NAV1: variants seen among roughly 807,000 people sequenced by gnomAD.
The protein encoded by NAV1 is neuron navigator 1.
NAV1 carries 18 observed loss-of-function variants against 175.2 expected under a neutral mutation model. That is an observed-to-expected ratio of 0.10 (90% confidence interval 0.07 to 0.15). The LOEUF is 0.15. Among genes scored for constraint, NAV1 ranks in the 10% least tolerant of loss-of-function variants. NAV1 has a pLI of 1.00. For synonymous variants in NAV1, 897 were observed against 978.7 expected (o/e 0.92, Z 1.56); for missense variants, 1,731 against 2,436.6 (o/e 0.71, Z 6.10).
At chr1:201,599,132 G>A (rs1667447357) in intron 2 of NAV1, among the ~76,000 whole-genome samples, 1 of 152,182 alleles carries the variant, frequency 6.6e-6, no homozygotes, top group South Asian at 2.1e-4. Context: ...AGCTGGCCAG[G>A]TTGGGCCCCC....
chr1:201,645,690 T>TCACAGTGAAAATAGA (rs11269129), upstream of NAV1, among the ~76,000 whole-genome samples: 2 of 151,548 alleles, frequency 1.3e-5, no homozygotes, highest in African/African-American at 4.9e-5. Flanking sequence ...GTGGAATGTG[T>TCACAGTGAAAATAGA]CACAGTGAAA....
intron 2 of NAV1, among the ~76,000 whole-genome samples, chr1:201,604,587 T>C (rs1421163439): frequency 6.8e-6 from 1 of 147,360 alleles, no homozygotes; most frequent in Non-Finnish European, 1.5e-5. Context: ...GAGGCTGAGG[T>C]GGTAGAATCG....
intron 2 of NAV1, among the ~76,000 whole-genome samples, chr1:201,637,987 C>T (rs1668655289): frequency 6.6e-6 from 1 of 152,192 alleles, no homozygotes; most frequent in Non-Finnish European, 1.5e-5. Flanking sequence ...CTTTATTAGC[C>T]TGAGGAGCAC....
At chr1:201,786,056 G>C (rs947295678) in intron 8 of NAV1, among the ~76,000 whole-genome samples, 2 of 152,076 alleles carry the variant, frequency 1.3e-5, no homozygotes, top group Admixed American at 1.3e-4. Flanking sequence ...GCCTCCCAAA[G>C]TGCTGGGATT....
chr1:201,627,156 A>C (rs1363068101), intron 1 of NAV1, among the ~76,000 whole-genome samples: 60 of 152,222 alleles, frequency 3.9e-4, no homozygotes. Context: ...GTGCAGTGGC[A>C]CAGTCATAGC....
At chr1:201,705,449 G>A (rs1364217404) in intron 1 of NAV1, among the ~76,000 whole-genome samples, 1 of 152,148 alleles carries the variant, frequency 6.6e-6, no homozygotes, top group Non-Finnish European at 1.5e-5. Context: ...GAGTGCCATT[G>A]AGCGCTGGGC....
chr1:201,764,490 A>C (rs949818971), intron 3 of NAV1, among the ~76,000 whole-genome samples: 2 of 152,230 alleles, frequency 1.3e-5, no homozygotes, highest in Non-Finnish European at 2.9e-5. Context: ...CACGAGTCCT[A>C]TCAGATGAGA....
At position 201,656,830 on chromosome 1, in the gene NAV1, C is replaced by G. The variant is rs572496217; in HGVS notation, c.757+7405C>G. On this transcript the variant is annotated intron_variant, in intron 1 of 29. Coordinates refer to ENST00000367296, the Ensembl canonical transcript of NAV1. ...TGGAACAGCTTCCCCCAAACAGACC[C>G]CTAGGCAGAGCCCGCTGGGGTTTGG... Among the ~76,000 whole-genome samples, 105 of 152,320 alleles carry G rather than the reference C, an allele frequency of 6.9e-4. 1 individual carries two copies. The highest frequency in any genetic ancestry group is 4.8e-3 in the South Asian group (23 of 4,824).
chr1:201,738,693 G>A (rs1414539735), intron 3 of NAV1, among the ~76,000 whole-genome samples: 1 of 152,120 alleles, frequency 6.6e-6, no homozygotes, highest in Admixed American at 6.5e-5. Context: ...GGAAAGATAG[G>A]CTTAAGAGAA....
At chr1:201,723,987 T>C (rs987831240) in intron 3 of NAV1, 1 of 152,202 alleles carries the variant, frequency 6.6e-6, no homozygotes, top group African/African-American at 2.4e-5. Context: ...ATTTCAGTAC[T>C]TTTTTCAATG....
intron 1 of NAV1, among the ~76,000 whole-genome samples, chr1:201,586,847 A>T (rs560994512): frequency 6.6e-6 from 1 of 152,154 alleles, no homozygotes; most frequent in African/African-American, 2.4e-5. Context: ...TCAAAACACA[A>T]ATTTGGAGGG....
chr1:201,572,881 ATTACT>A (rs1378784624), intron 1 of NAV1, among the ~76,000 whole-genome samples: 2 of 151,996 alleles, frequency 1.3e-5, no homozygotes, highest in Non-Finnish European at 2.9e-5. Context: ...CTTCTTGGGA[ATTACT>A]TTTCTTTCTG....
chr1:201,676,121 A>G (rs1268535326), intron 1 of NAV1, among the ~76,000 whole-genome samples: 1 of 152,158 alleles, frequency 6.6e-6, no homozygotes, highest in Non-Finnish European at 1.5e-5. Flanking sequence ...CCAAAAGGAG[A>G]TAATTCCAGC....
At chr1:201,801,731 T>G (rs1181803071) in intron 15 of NAV1, among the ~76,000 whole-genome samples, 8 of 152,178 alleles carry the variant, frequency 5.3e-5, no homozygotes, top group Non-Finnish European at 1.2e-4. Context: ...TTCCTATGAA[T>G]CTATAATTAT....
intron 1 of NAV1, among the ~76,000 whole-genome samples, chr1:201,541,604 T>C (rs941762564): frequency 1.8e-4 from 27 of 152,270 alleles, no homozygotes; most frequent in Admixed American, 1.6e-3. Flanking sequence ...TGAAACCCTG[T>C]CTCAACTAGA....
chr1:201,822,640 G>C (rs1241496521), exon 30 of NAV1: 1 of 152,476 alleles, frequency 6.6e-6, no homozygotes, highest in Non-Finnish European at 1.5e-5. Context: ...TCTCTTCCTG[G>C]GATCCACCAC....
At chr1:201,741,745 G>GC (rs1673434733) in intron 3 of NAV1, among the ~76,000 whole-genome samples, 1 of 152,108 alleles carries the variant, frequency 6.6e-6, no homozygotes, top group African/African-American at 2.4e-5. Context: ...CTACTCAACA[G>GC]CCTTTCTAGG....
intron 3 of NAV1, among the ~76,000 whole-genome samples, chr1:201,722,835 G>GCC (rs1672443716): frequency 6.6e-6 from 1 of 152,232 alleles, no homozygotes; most frequent in Non-Finnish European, 1.5e-5. Flanking sequence ...GCCAGGCGCG[G>GCC]TGGCTCACAC....
At chr1:201,648,411 C>T (rs1669053841) in exon 1 of NAV1, 2 of 1,230,152 alleles carry the variant, frequency 1.6e-6, no homozygotes, top group Admixed American at 4.2e-5. Flanking sequence ...CCTCCGACCC[C>T]GCCCTATCGC....
Sources: allele counts gnomAD v4.1 joint callset (sites outside exome capture counted in the v4.1 genomes callset), GRCh38; gene constraint gnomAD v4.1.1; transcripts MANE v1.5; gene names NCBI Gene and HGNC (gene_info 2026-07-23, HGNC 2026-07-21).